The following NLGN1 variants were observed in gnomAD, a reference collection of about 807,000 sequenced individuals.
NLGN1 encodes neuroligin-1.
A neutral mutation model predicts 65.5 loss-of-function variants in NLGN1; 12 were observed. The ratio of observed to expected loss-of-function variants is 0.18; its 90% confidence interval spans 0.12 to 0.30. The LOEUF (loss-of-function observed/expected upper bound fraction) is 0.30. NLGN1 is among the 10% of genes least tolerant of loss of function. NLGN1 has a pLI of 1.00. For synonymous variants in NLGN1, 350 were observed against 359.5 expected (o/e 0.97, Z 0.30); for missense variants, 750 against 1,007.1 (o/e 0.74, Z 3.46).
At chr3:173,728,615 A>G (rs1772242213) in intron 3 of NLGN1, among the ~76,000 whole-genome samples, 1 of 152,110 alleles carries the variant, frequency 6.6e-6, no homozygotes, top group South Asian at 2.1e-4. Context: ...GTCATGCTTG[A>G]TTAGAGTGGG....
chr3:173,769,405 T>G (rs574071588), intron 3 of NLGN1, among the ~76,000 whole-genome samples: 1 of 152,150 alleles, frequency 6.6e-6, no homozygotes, highest in Admixed American at 6.5e-5. Context: ...CTCCCAACAT[T>G]CCCCCAAACA....
chr3:173,826,400 A>G (rs1473276150), intron 4 of NLGN1, among the ~76,000 whole-genome samples: 3 of 152,032 alleles, frequency 2.0e-5, no homozygotes, highest in Non-Finnish European at 4.4e-5. Context: ...AGAATGAGAG[A>G]TACAGCTACA....
chr3:174,122,337 T>C (rs1302003074), intron 4 of NLGN1, among the ~76,000 whole-genome samples: 1 of 152,120 alleles, frequency 6.6e-6, no homozygotes, highest in Non-Finnish European at 1.5e-5. Flanking sequence ...GCATGTTATC[T>C]AAGAGGCTGA....
chr3:174,114,269 G>T (rs551205441), intron 4 of NLGN1, among the ~76,000 whole-genome samples: 8 of 151,624 alleles, frequency 5.3e-5, no homozygotes, highest in Middle Eastern at 6.8e-3. Context: ...GTATTTAGGC[G>T]TGCAAATTGC....
intron 4 of NLGN1, among the ~76,000 whole-genome samples, chr3:173,934,725 T>C (rs1257812198): frequency 6.6e-6 from 1 of 152,018 alleles, no homozygotes; most frequent in Non-Finnish European, 1.5e-5. Flanking sequence ...AGAAAACCTC[T>C]TGATGAATCC....
intron 3 of NLGN1, among the ~76,000 whole-genome samples, chr3:173,734,379 C>CTTTTTTTTT (rs1773378211): frequency 1.7e-5 from 1 of 59,046 alleles, no homozygotes; most frequent in Non-Finnish European, 3.2e-5. Flanking sequence ...GTGGATAATT[C>CTTTTTTTTT]TATTTTTTTT....
chr3:173,502,239 C>T (rs189229887), intron 2 of NLGN1, among the ~76,000 whole-genome samples: 177 of 152,088 alleles, frequency 1.2e-3, no homozygotes, highest in Non-Finnish European at 1.6e-3. Context: ...TGGCCATAAA[C>T]GTTAAATTCT....
chr3:173,782,623 A>G (rs1433451226), intron 3 of NLGN1, among the ~76,000 whole-genome samples: 1 of 152,074 alleles, frequency 6.6e-6, no homozygotes, highest in Non-Finnish European at 1.5e-5. Flanking sequence ...TGCCTCGGGC[A>G]GCCCCCAGGA....
intron 4 of NLGN1, among the ~76,000 whole-genome samples, chr3:174,027,251 C>T (rs1729030966): frequency 6.6e-6 from 1 of 152,092 alleles, no homozygotes; most frequent in Admixed American, 6.6e-5. Flanking sequence ...TGGCAAACTG[C>T]TCTCTCCAAA....
chr3:173,589,558 A>G (rs193026317), intron 2 of NLGN1, among the ~76,000 whole-genome samples: 1 of 152,292 alleles, frequency 6.6e-6, no homozygotes, highest in Admixed American at 6.5e-5. Context: ...AAGTTGGGGA[A>G]GAGATTGAAT....
intron 4 of NLGN1, among the ~76,000 whole-genome samples, chr3:173,904,593 C>A (rs1366684317): frequency 2.0e-5 from 3 of 151,592 alleles, no homozygotes; most frequent in Non-Finnish European, 4.4e-5. Flanking sequence ...TTCGGTATGG[C>A]AGCTGGAGGA....
chr3:174,291,463 CAAAG>C (rs1450159596), downstream of NLGN1, among the ~76,000 whole-genome samples: 2 of 151,054 alleles, frequency 1.3e-5, no homozygotes, highest in Non-Finnish European at 3.0e-5. Flanking sequence ...TAATGACTAT[CAAAG>C]AAATAATATA....
chr3:174,050,965 G>T (rs1035608175), intron 4 of NLGN1, among the ~76,000 whole-genome samples: 5 of 151,962 alleles, frequency 3.3e-5, no homozygotes, highest in South Asian at 2.1e-4. Flanking sequence ...TTGGAATAAG[G>T]TTTGGTTAAC....
At chr3:173,960,264 G>A (rs1165773439) in intron 4 of NLGN1, among the ~76,000 whole-genome samples, 1 of 151,806 alleles carries the variant, frequency 6.6e-6, no homozygotes, top group African/African-American at 2.4e-5. Context: ...GAATTGATTG[G>A]TTAGTTCACT....
At chr3:173,812,359 A>AT (rs916985094) in intron 4 of NLGN1, among the ~76,000 whole-genome samples, 20 of 152,118 alleles carry the variant, frequency 1.3e-4, no homozygotes, top group African/African-American at 3.6e-4. Context: ...GGTTAATGAA[A>AT]TTTTTTGATT....
chr3:173,819,611 G>C (rs1411121530), intron 4 of NLGN1, among the ~76,000 whole-genome samples: 1 of 151,986 alleles, frequency 6.6e-6, no homozygotes, highest in East Asian at 1.9e-4. Context: ...TCAATTCTTT[G>C]GGCTTCATTC....
chr3:173,994,441 T>C (rs1721824006), intron 4 of NLGN1, among the ~76,000 whole-genome samples: 1 of 145,994 alleles, frequency 6.8e-6, no homozygotes, highest in South Asian at 2.2e-4. Flanking sequence ...GTATGAAAAT[T>C]TTTTATTTTA....
At chr3:173,544,783 G>A (rs1430801495) in intron 2 of NLGN1, among the ~76,000 whole-genome samples, 1 of 152,028 alleles carries the variant, frequency 6.6e-6, no homozygotes, top group Non-Finnish European at 1.5e-5. Context: ...GAGACTATAG[G>A]ATGAAAAGGA....
intron 4 of NLGN1, among the ~76,000 whole-genome samples, chr3:173,941,877 T>G (rs1746165429): frequency 6.6e-6 from 1 of 151,932 alleles, no homozygotes; most frequent in South Asian, 2.1e-4. Flanking sequence ...CATCATGAGC[T>G]TCTAATTAAC....
Sources: gnomAD v4.1 joint callset for allele counts (sites outside exome capture counted in the v4.1 genomes callset) on GRCh38, gnomAD v4.1.1 for gene constraint, MANE v1.5 for transcripts, NCBI Gene and HGNC (gene_info 2026-07-23, HGNC 2026-07-21) for gene names.